The following GALNT13 variants were observed in gnomAD, a reference collection of about 807,000 sequenced individuals.
The protein encoded by GALNT13 is UDP-GalNAc:polypeptide N-acetylgalactosaminyltransferase 13.
In GALNT13, 28 loss-of-function variants were observed where a neutral mutation model predicts 64.2. That is an observed-to-expected ratio of 0.44 (90% CI 0.32 to 0.60). The LOEUF (loss-of-function observed/expected upper bound fraction) is 0.60. Among genes scored for constraint, GALNT13 ranks in the 20% least tolerant of loss-of-function variants. GALNT13 has a pLI of 0.05. For synonymous variants in GALNT13, 214 were observed against 224.6 expected (o/e 0.95, Z 0.42); for missense variants, 577 against 669.8 (o/e 0.86, Z 1.53).
chr2:154,035,332 G>A (rs1381494604), intron 3 of GALNT13, among the ~76,000 whole-genome samples: 1 of 151,910 alleles, frequency 6.6e-6, no homozygotes, highest in Non-Finnish European at 1.5e-5. Context: ...TTATTTTTAT[G>A]TGGTATAAGT....
chr2:153,925,402 A>G (rs1187539607), intron 2 of GALNT13, among the ~76,000 whole-genome samples: 1 of 150,576 alleles, frequency 6.6e-6, no homozygotes, highest in Non-Finnish European at 1.5e-5. Flanking sequence ...ATTCTGTTCC[A>G]TTGGTCTATG....
rs149910699 is a variant in GALNT13 at position 154,355,709 on chromosome 2, A to G, written c.1157-40282A>G. On this transcript the variant is annotated intron_variant, in intron 9 of 12. Transcript: ENST00000392825. ...TCACAGCATCCACAAGACAATTTTT[A>G]GTTCGAGAGGCTGCATAAAATGAGT... is the stretch of plus-strand genomic sequence containing the variant. 4.2e-3 allele frequency among the ~76,000 whole-genome samples: 642 copies of G among 152,206 alleles called. 5 individuals are homozygous for G. The highest frequency in any genetic ancestry group is 0.014 in the African/African-American group (574 of 41,562).
intron 3 of GALNT13, among the ~76,000 whole-genome samples, chr2:153,966,662 C>A (rs78040619): frequency 0.023 from 3,447 of 152,148 alleles, 64 homozygotes; most frequent in Non-Finnish European, 0.035. Flanking sequence ...GCCACCGCGA[C>A]CGGCCCCGGG....
the GALNT13 span, among the ~76,000 whole-genome samples, chr2:153,221,101 T>A: frequency 3.3e-5 from 5 of 152,162 alleles, no homozygotes; most frequent in Non-Finnish European, 7.3e-5. Context: ...CATTTACCTA[T>A]GTAACAAACC....
the GALNT13 span, among the ~76,000 whole-genome samples, chr2:153,543,197 T>A: frequency 6.6e-6 from 1 of 152,142 alleles, no homozygotes; most frequent in Admixed American, 6.5e-5. Flanking sequence ...TATATAAGAT[T>A]GGTTGAACAG....
chr2:153,535,480 G>A, the GALNT13 span, among the ~76,000 whole-genome samples: 31 of 152,116 alleles, frequency 2.0e-4, no homozygotes, highest in South Asian at 1.5e-3. Flanking sequence ...AGTTGAGAAC[G>A]GTGAATAGGA....
the GALNT13 span, among the ~76,000 whole-genome samples, chr2:153,680,906 T>G: frequency 1.3e-5 from 2 of 151,936 alleles, no homozygotes; most frequent in African/African-American, 4.8e-5. Context: ...TACATAAAAC[T>G]CAGATACCAA....
chr2:153,818,477 C>A, the GALNT13 span, among the ~76,000 whole-genome samples: 1 of 152,184 alleles, frequency 6.6e-6, no homozygotes, highest in Non-Finnish European at 1.5e-5. Flanking sequence ...TGTGCTCCCC[C>A]AGGAAGTGCC....
the GALNT13 span, among the ~76,000 whole-genome samples, chr2:153,151,789 A>G: frequency 1.4e-5 from 2 of 147,652 alleles, no homozygotes; most frequent in African/African-American, 2.5e-5. Flanking sequence ...ATGAGAACAC[A>G]TAGACACAGG....
intron 9 of GALNT13, among the ~76,000 whole-genome samples, chr2:154,371,109 A>G (rs1697661395): frequency 6.6e-6 from 1 of 152,060 alleles, no homozygotes; most frequent in Non-Finnish European, 1.5e-5. Context: ...ACATGGGAGG[A>G]ATTGGTGACT....
intron 2 of GALNT13, among the ~76,000 whole-genome samples, chr2:153,931,038 C>T (rs1690477796): frequency 6.8e-6 from 1 of 147,458 alleles, no homozygotes; most frequent in South Asian, 2.2e-4. Flanking sequence ...ATTTCATTGT[C>T]CTGGGTAGCT....
At chr2:153,751,029 G>T in the GALNT13 span, among the ~76,000 whole-genome samples, 3 of 151,888 alleles carry the variant, frequency 2.0e-5, no homozygotes, top group Admixed American at 1.3e-4. Flanking sequence ...TTTATTTCAA[G>T]AAATTTTTTA....
At chr2:153,510,176 G>A in the GALNT13 span, among the ~76,000 whole-genome samples, 1 of 152,102 alleles carries the variant, frequency 6.6e-6, no homozygotes, top group Admixed American at 6.6e-5. Context: ...CCACAATATT[G>A]CAATATCATT....
intron 3 of GALNT13, among the ~76,000 whole-genome samples, chr2:154,097,052 A>G (rs907830712): frequency 3.3e-5 from 5 of 152,064 alleles, no homozygotes; most frequent in African/African-American, 1.2e-4. Context: ...CTTAAAAGAC[A>G]TAACATCACA....
At chr2:154,412,039 A>G (rs555705325) in intron 11 of GALNT13, among the ~76,000 whole-genome samples, 2 of 151,754 alleles carry the variant, frequency 1.3e-5, no homozygotes, top group Non-Finnish European at 3.0e-5. Context: ...TTTACTTGTT[A>G]TTTCTATTGA....
At chr2:153,224,868 G>T in the GALNT13 span, among the ~76,000 whole-genome samples, 31 of 152,094 alleles carry the variant, frequency 2.0e-4, no homozygotes, top group East Asian at 4.3e-3. Flanking sequence ...CCAAAAAAAG[G>T]CACCATGCCA....
intron 4 of GALNT13, among the ~76,000 whole-genome samples, chr2:154,161,791 T>TG (rs995228389): frequency 2.0e-5 from 3 of 151,992 alleles, no homozygotes; most frequent in Non-Finnish European, 4.4e-5. Context: ...GTATTTTTTT[T>TG]TTTTGTTTTC....
At chr2:153,896,095 T>TTTTTTTTTTTTTTTTTTTGAGA (rs1687874398) in intron 1 of GALNT13, among the ~76,000 whole-genome samples, 7 of 95,392 alleles carry the variant, frequency 7.3e-5, no homozygotes, top group African/African-American at 2.1e-4. Flanking sequence ...TTATGTTTTT[T>TTTTTTTTTTTTTTTTTTTGAGA]CCTAAATTAA....
intron 8 of GALNT13, among the ~76,000 whole-genome samples, chr2:154,300,264 G>A (rs1693364117): frequency 6.6e-6 from 1 of 151,670 alleles, no homozygotes; most frequent in Non-Finnish European, 1.5e-5. Flanking sequence ...CACCACATCC[G>A]GCTGATTTTT....
Sources: allele counts gnomAD v4.1 joint callset (sites outside exome capture counted in the v4.1 genomes callset), GRCh38; gene constraint gnomAD v4.1.1; transcripts MANE v1.5; gene names NCBI Gene and HGNC (gene_info 2026-07-23, HGNC 2026-07-21).